Variants in POU2AF1 observed in about 807,000 individuals in gnomAD.
POU2AF1 encodes POU class 2 homeobox associating factor 1.
A neutral mutation model predicts 26.3 loss-of-function variants in POU2AF1; 12 were observed. The observed-to-expected ratio is 0.46, with a 90% confidence interval of 0.29 to 0.74. POU2AF1 has a LOEUF of 0.74. Ranked by LOEUF, POU2AF1 falls within the 30% of genes least tolerant of loss-of-function variation. POU2AF1 has a pLI of 0.09. For synonymous variants in POU2AF1, 175 were observed against 148.0 expected (o/e 1.18, Z -1.32); for missense variants, 297 against 334.5 (o/e 0.89, Z 0.87).
chr11:111,378,392 G>A (rs1297907886), intron 1 of POU2AF1, among the ~76,000 whole-genome samples: 2 of 152,186 alleles, frequency 1.3e-5, no homozygotes, highest in Non-Finnish European at 2.9e-5. Flanking sequence ...ATGAGTTGAC[G>A]CTGTTTACCT....
At position 111,358,852 on chromosome 11, in the gene POU2AF1, A is replaced by G. The variant is rs761067788; in HGVS notation, c.83T>C (p.Val28Ala). 6.2e-7 allele frequency: 1 copy of G among 1,609,118 alleles called. No individual in the cohort carries two copies. The highest frequency in any genetic ancestry group is 8.5e-7 in the Non-Finnish European group (1 of 1,179,920). Reference protein sequence around the residue: ...PYQGVRVKEPVKELLRRKRGH... With the variant: ...PYQGVRVKEPAKELLRRKRGH... ...TCGCTTCCTCCTCAGCAGTTCCTTC[A>G]CTGGCTCCTTCACACGGACGCCCTG... The change falls in exon 2 of 5, where the codon GTG becomes GCG. Residue 28 changes from valine (V) to alanine (A), a missense_variant. Coordinates refer to ENST00000393067, the MANE Select transcript of POU2AF1 (RefSeq NM_006235.3).
intron 1 of POU2AF1, chr11:111,364,037 A>C: frequency 1.0e-6 from 1 of 963,184 alleles, no homozygotes; most frequent in Non-Finnish European, 1.2e-6. Flanking sequence ...AATCATTTAC[A>C]GAAAAACCAT....
At chr11:111,372,618 T>C (rs1164899490) in intron 1 of POU2AF1, among the ~76,000 whole-genome samples, 2 of 152,346 alleles carry the variant, frequency 1.3e-5, no homozygotes, top group African/African-American at 2.4e-5. Context: ...ATCTATAAAA[T>C]GAACCTTACA....
chr11:111,362,442 C>T (rs1037576513), intron 1 of POU2AF1, among the ~76,000 whole-genome samples: 2 of 152,180 alleles, frequency 1.3e-5, no homozygotes, highest in Admixed American at 6.5e-5. Flanking sequence ...ACCCATAAGT[C>T]ATCCCCACTC....
chr11:111,375,390 C>CTTTTTTTTTTTTTTTTTTTTTTTT (rs869115956), intron 1 of POU2AF1, among the ~76,000 whole-genome samples: 1 of 79,488 alleles, frequency 1.3e-5, no homozygotes, highest in African/African-American at 5.1e-5. Flanking sequence ...TACTGAGTAT[C>CTTTTTTTTTTTTTTTTTTTTTTTT]TTTTTTTTTT....
rs1860881845 is a variant in POU2AF1, at chr11:111,357,859, C to T, written c.148-22G>A. On this transcript the variant is annotated intron_variant, in intron 2 of 4. Coordinates refer to ENST00000393067, the MANE Select transcript of POU2AF1 (RefSeq NM_006235.3). ...CCACCTAGAGGGGAGAGGAGAAGAC[C>T]AGGGTCAATGTTTAGCCCTCGTCAA... The T allele has an allele frequency of 4.4e-6, 7 of 1,596,626 alleles. No individual in the cohort carries two copies. In the East Asian group the frequency reaches 1.6e-4, roughly 36 times the overall value.
At chr11:111,371,521 A>C (rs1446641543) in intron 1 of POU2AF1, among the ~76,000 whole-genome samples, 2 of 152,172 alleles carry the variant, frequency 1.3e-5, no homozygotes. Context: ...TCCAAGTTTG[A>C]TCACAGAATG....
chr11:111,354,638 G>T (rs1372302135), intron 4 of POU2AF1, 63 bp from the exon 5 acceptor site: 3 of 1,363,600 alleles, frequency 2.2e-6, no homozygotes, highest in Admixed American at 6.2e-5. Context: ...ACCCATCCTT[G>T]CCCTTAGAGG....
intron 2 of POU2AF1, among the ~76,000 whole-genome samples, 153 bp from the exon 3 acceptor site, chr11:111,357,990 A>G (rs1053988351): frequency 6.6e-6 from 1 of 152,036 alleles, no homozygotes; most frequent in African/African-American, 2.4e-5. Flanking sequence ...CCCAACCATC[A>G]CCACCTACAC....
intron 1 of POU2AF1, among the ~76,000 whole-genome samples, chr11:111,366,656 G>A (rs1265875956): frequency 6.6e-6 from 1 of 152,184 alleles, no homozygotes; most frequent in Non-Finnish European, 1.5e-5. Context: ...CCCTGGGAAA[G>A]GCTGAACCAG....
intron 1 of POU2AF1, among the ~76,000 whole-genome samples, chr11:111,371,457 A>G (rs1861207884): frequency 6.6e-6 from 1 of 152,158 alleles, no homozygotes. Flanking sequence ...CAGTCAGTAC[A>G]AGTCTTGCCG....
At chr11:111,363,127 A>G in intron 1 of POU2AF1, 1 of 1,010,050 alleles carries the variant, frequency 9.9e-7, no homozygotes, top group Middle Eastern at 4.8e-4. Context: ...CAGTGTCAAC[A>G]GGTGTGCCCT....
intron 2 of POU2AF1, among the ~76,000 whole-genome samples, chr11:111,358,436 T>G (rs921093868): frequency 1.8e-5 from 1 of 56,696 alleles, no homozygotes; most frequent in African/African-American, 5.9e-5. Context: ...ACTCTCACAC[T>G]CACTCTCACA....
chr11:111,369,548 C>T (rs1439418365), intron 1 of POU2AF1, among the ~76,000 whole-genome samples: 1 of 152,174 alleles, frequency 6.6e-6, no homozygotes, highest in African/African-American at 2.4e-5. Flanking sequence ...AGAAATGTGG[C>T]AATGGGCAAG....
At position 111,357,703 on chromosome 11, in the gene POU2AF1, G is replaced by T. The variant is rs1295029712; in HGVS notation, c.198C>A (p.Ser66=). ...PLATYTTVGP[S]CLDMEGSVSA... is the part of the protein sequence containing the mutation. ...ACACAGAACCTTCCATGTCCAGGCAGGAAGGACCTGTGGGAAGAAGGAAAT... is the reference window on the plus strand; with the variant it reads ...ACACAGAACCTTCCATGTCCAGGCATGAAGGACCTGTGGGAAGAAGGAAAT... Residue 66 remains serine (S), a synonymous_variant, in exon 4 of 5, where the codon TCC becomes TCA. Transcript: ENST00000393067. 6.2e-7 allele frequency: 1 copy of T among 1,612,530 alleles called. No individual in the cohort carries two copies. Among genetic ancestry groups the T allele is most frequent in the Non-Finnish European group, 8.5e-7 (1 of 1,179,300 alleles).
chr11:111,358,580 A>T (rs1464434831), intron 2 of POU2AF1, among the ~76,000 whole-genome samples: 2 of 138,648 alleles, frequency 1.4e-5, no homozygotes, highest in South Asian at 4.5e-4. Context: ...ACACACTCAC[A>T]CTCCCTCACA....
intron 1 of POU2AF1, among the ~76,000 whole-genome samples, chr11:111,378,332 C>A (rs1861348973): frequency 6.6e-6 from 1 of 152,186 alleles, no homozygotes; most frequent in Admixed American, 6.5e-5. Context: ...ATTCTTCTTG[C>A]TTGAGGAAGT....
intron 1 of POU2AF1, among the ~76,000 whole-genome samples, chr11:111,362,469 C>A (rs1861029042): frequency 6.6e-6 from 1 of 152,210 alleles, no homozygotes; most frequent in Non-Finnish European, 1.5e-5. Context: ...CCCCTGCTGC[C>A]CTTCCCAGCT....
In POU2AF1 at chr11:111,357,715, G is replaced by A; in HGVS notation, c.191-5C>T. ...CCATGTCCAGGCAGGAAGGACCTGT[G>A]GGAAGAAGGAAATTACAGAACTTCA... On this transcript the variant is annotated splice_polypyrimidine_tract_variant and splice_region_variant and intron_variant, in intron 3 of 4. Coordinates refer to ENST00000393067, the MANE Select transcript of POU2AF1 (RefSeq NM_006235.3). The A allele has an allele frequency of 6.2e-7, 1 of 1,611,950 alleles. No homozygotes were observed. Among genetic ancestry groups the A allele is most frequent in the Non-Finnish European group, 8.5e-7 (1 of 1,179,020 alleles).
Sources: allele counts gnomAD v4.1 joint callset (sites outside exome capture counted in the v4.1 genomes callset), GRCh38; gene constraint gnomAD v4.1.1; transcripts MANE v1.5; gene names NCBI Gene and HGNC (gene_info 2026-07-23, HGNC 2026-07-21).